The following SAMD4A variants were observed in gnomAD, a reference collection of about 807,000 sequenced individuals.
SAMD4A encodes sterile alpha motif domain containing 4A, also known as protein Smaug homolog 1.
In SAMD4A, 33 loss-of-function variants were observed where a neutral mutation model predicts 81.3. That is an observed-to-expected ratio of 0.41 (90% CI 0.31 to 0.54). The LOEUF is 0.54. SAMD4A is among the 20% of genes least tolerant of loss of function. SAMD4A has a pLI of 0.37. For missense variants in SAMD4A, 854 were observed against 951.1 expected (o/e 0.90, Z 1.34); for synonymous variants, 389 against 382.1 (o/e 1.02, Z -0.21).
rs3051648 is a variant in SAMD4A, at chr14:54,739,055, C to CTTTTT, written c.979+1783_979+1787dup. ...TACTTTGTTTTCTTTCTTTCCTTTT[C>CTTTTT]TTTTTTTTTTTTTTTTTTTGAGGCC... On this transcript the variant is annotated intron_variant, in intron 4 of 12. Transcript: ENST00000554335. 3.6e-3 allele frequency among the ~76,000 whole-genome samples: 351 copies of CTTTTT among 97,298 alleles called. 20 individuals are homozygous for CTTTTT. The highest frequency in any genetic ancestry group is 0.012 in the African/African-American group (250 of 20,636). 63.8% of individuals were successfully genotyped at this position (97,298 alleles called of 152,430 possible).
At chr14:54,725,718 A>G (rs1488923894) in intron 3 of SAMD4A, among the ~76,000 whole-genome samples, 2 of 152,232 alleles carry the variant, frequency 1.3e-5, no homozygotes, top group South Asian at 4.1e-4. Flanking sequence ...AAACATTTTA[A>G]TGTGCATTAA....
intron 2 of SAMD4A, among the ~76,000 whole-genome samples, chr14:54,585,106 A>G (rs1027960792): frequency 6.6e-6 from 1 of 152,204 alleles, no homozygotes; most frequent in Non-Finnish European, 1.5e-5. Context: ...ATGTATCTCT[A>G]CATATATGCC....
intron 2 of SAMD4A, among the ~76,000 whole-genome samples, chr14:54,582,692 A>G (rs2033502450): frequency 6.6e-6 from 1 of 152,218 alleles, no homozygotes; most frequent in African/African-American, 2.4e-5. Flanking sequence ...TGAAATTTAA[A>G]TGTAGTCTAT....
At chr14:54,591,035 G>T (rs1443120956) in intron 2 of SAMD4A, among the ~76,000 whole-genome samples, 1 of 152,124 alleles carries the variant, frequency 6.6e-6, no homozygotes, top group Non-Finnish European at 1.5e-5. Flanking sequence ...CAAGATCTTG[G>T]TCATCGTCTC....
chr14:54,658,879 G>A (rs1314419236), intron 2 of SAMD4A, among the ~76,000 whole-genome samples: 2 of 152,170 alleles, frequency 1.3e-5, no homozygotes, highest in Non-Finnish European at 1.5e-5. Context: ...GAGCATGCCC[G>A]TGGCTGGGCA....
At chr14:54,785,593 C>T (rs1209910653) in intron 12 of SAMD4A, among the ~76,000 whole-genome samples, 3 of 152,224 alleles carry the variant, frequency 2.0e-5, no homozygotes, top group Non-Finnish European at 1.5e-5. Context: ...CACTTACCCA[C>T]CCAGAGAAGG....
At chr14:54,600,187 G>C (rs2034017718) in intron 2 of SAMD4A, among the ~76,000 whole-genome samples, 1 of 152,116 alleles carries the variant, frequency 6.6e-6, no homozygotes, top group Non-Finnish European at 1.5e-5. Context: ...TTGGGGGCAA[G>C]TTACATGCCT....
chr14:54,730,486 C>T (rs143407070), intron 3 of SAMD4A, among the ~76,000 whole-genome samples: 1 of 152,208 alleles, frequency 6.6e-6, no homozygotes, highest in Non-Finnish European at 1.5e-5. Flanking sequence ...AGCATGTTCT[C>T]TCTTCTTCCC....
intron 3 of SAMD4A, among the ~76,000 whole-genome samples, chr14:54,726,506 A>G (rs1278872992): frequency 6.6e-6 from 1 of 152,180 alleles, no homozygotes; most frequent in African/African-American, 2.4e-5. Flanking sequence ...GCCCCATGAA[A>G]ACAAAACAAG....
intron 8 of SAMD4A, among the ~76,000 whole-genome samples, chr14:54,769,535 A>C (rs1044391610): frequency 1.3e-5 from 2 of 152,224 alleles, no homozygotes; most frequent in Non-Finnish European, 2.9e-5. Flanking sequence ...TAAACTTTAG[A>C]GAAGGTTTAA....
At chr14:54,676,133 G>T (rs2035988759) in intron 2 of SAMD4A, among the ~76,000 whole-genome samples, 1 of 152,130 alleles carries the variant, frequency 6.6e-6, no homozygotes, top group African/African-American at 2.4e-5. Flanking sequence ...GTACAAAGGA[G>T]CCCCTGAATA....
Position 54,724,745 on chromosome 14 carries a change from G to A in SAMD4A, c.716-12279G>A, listed in dbSNP as rs2037370736. Among the ~76,000 whole-genome samples the A allele has an allele frequency of 2.6e-5, 4 of 152,340 alleles. 1 individual carries two copies. In the South Asian group the frequency reaches 8.3e-4, roughly 32 times the overall value. On this transcript the variant is annotated intron_variant, in intron 3 of 12. Coordinates refer to ENST00000554335, the MANE Select transcript of SAMD4A (RefSeq NM_015589.6). ...CCAGACATTAGGAGACCTGGGAACA[G>A]GGAAGAACGGTATAATTTGGTGCAT...
chr14:54,575,249 C>G (rs1341608507), intron 2 of SAMD4A, among the ~76,000 whole-genome samples: 1 of 152,170 alleles, frequency 6.6e-6, no homozygotes, highest in East Asian at 1.9e-4. Context: ...GCCAGCAGAT[C>G]TGGGATCAGA....
chr14:54,584,045 G>A (rs1175076929), intron 2 of SAMD4A, among the ~76,000 whole-genome samples: 1 of 152,160 alleles, frequency 6.6e-6, no homozygotes, highest in Non-Finnish European at 1.5e-5. Flanking sequence ...TCTATTGCCA[G>A]CTGTCCCATA....
chr14:54,713,005 G>T (rs1306540907), intron 3 of SAMD4A, among the ~76,000 whole-genome samples: 1 of 152,136 alleles, frequency 6.6e-6, no homozygotes, highest in Admixed American at 6.6e-5. Context: ...TTTGAGCCCT[G>T]TAGTCTTATG....
At chr14:54,639,178 C>T (rs143634574) in intron 2 of SAMD4A, among the ~76,000 whole-genome samples, 9 of 152,336 alleles carry the variant, frequency 5.9e-5, no homozygotes, top group African/African-American at 2.2e-4. Flanking sequence ...TAACCTGCAT[C>T]ACAGAGTTAT....
In SAMD4A at chr14:54,673,945, G is replaced by A. The variant is rs17127738; in HGVS notation, c.197-28117G>A. Among the ~76,000 whole-genome samples, 1,417 of 152,298 alleles carry A rather than the reference G, an allele frequency of 9.3e-3. 22 individuals carry two copies. Among genetic ancestry groups the A allele is most frequent in the East Asian group, 0.063 (325 of 5,188 alleles). The stretch of plus-strand genomic sequence containing the variant: ...CTCTTCCCTACTTTCTGAAGCGTTT[G>A]ATGCCTCTATCTGAGCATGGAACCT... On this transcript the variant is annotated intron_variant, in intron 2 of 12. Coordinates refer to ENST00000554335, the MANE Select transcript of SAMD4A (RefSeq NM_015589.6).
intron 2 of SAMD4A, among the ~76,000 whole-genome samples, chr14:54,698,625 G>A (rs534677198): frequency 4.3e-4 from 66 of 152,336 alleles, no homozygotes; most frequent in Admixed American, 8.5e-4. Flanking sequence ...TCTCAGCAGT[G>A]GCAGCTGGAG....
At chr14:54,786,410 C>A (rs1039080262) in intron 12 of SAMD4A, among the ~76,000 whole-genome samples, 1 of 152,202 alleles carries the variant, frequency 6.6e-6, no homozygotes, top group Non-Finnish European at 1.5e-5. Flanking sequence ...CTAAAAACCA[C>A]TGAATTGTAT....
Sources: gnomAD v4.1 joint callset for allele counts (sites outside exome capture counted in the v4.1 genomes callset) on GRCh38, gnomAD v4.1.1 for gene constraint, MANE v1.5 for transcripts, NCBI Gene and HGNC (gene_info 2026-07-23, HGNC 2026-07-21) for gene names.